The following BIN3 variants were observed in gnomAD, a reference collection of about 807,000 sequenced individuals.
BIN3 encodes bridging integrator 3.
A neutral mutation model predicts 38.2 loss-of-function variants in BIN3; 41 were observed. That is an observed-to-expected ratio of 1.07 (90% confidence interval 0.84 to 1.39). The LOEUF (loss-of-function observed/expected upper bound fraction) is 1.39. Ranked by LOEUF, BIN3 falls within the 40% of genes most tolerant of loss-of-function variation. BIN3 has a pLI of 0.00. For missense variants in BIN3, 361 were observed against 324.3 expected, an observed-to-expected ratio of 1.11 and a Z score of -0.87; for synonymous variants, 145 against 122.6, an observed-to-expected ratio of 1.18 and a Z score of -1.21.
chr8:22,656,780 T>C (rs570458005), intron 1 of BIN3, among the ~76,000 whole-genome samples: 1 of 152,256 alleles, frequency 6.6e-6, no homozygotes, highest in African/African-American at 2.4e-5. Flanking sequence ...CCTTTCACCA[T>C]GCATTTAGAT....
intron 1 of BIN3, among the ~76,000 whole-genome samples, chr8:22,658,031 G>C (rs1375521099): frequency 1.3e-5 from 2 of 152,238 alleles, no homozygotes; most frequent in Non-Finnish European, 2.9e-5. Flanking sequence ...AGGGGCGTGG[G>C]CAGAGAGCCA....
At chr8:22,657,895 A>G (rs1803106026) in intron 1 of BIN3, among the ~76,000 whole-genome samples, 2 of 152,240 alleles carry the variant, frequency 1.3e-5, no homozygotes, top group Non-Finnish European at 2.9e-5. Context: ...GCCTGAGAGC[A>G]GCAGCCTTGG....
Position 22,634,482 on chromosome 8 carries a change from G to C in BIN3, c.160+2043C>G, listed in dbSNP as rs1475512240. The C allele has an allele frequency of 4.8e-5, 22 of 456,170 alleles. 1 individual carries two copies. The Admixed American group carries it at 5.2e-4, about 11-fold the overall frequency. The allele number at this position is 456,170 out of a possible 1,614,324, so 28.3% of individuals were successfully genotyped here. A position where few individuals can be genotyped will look rare whatever the true frequency, so the allele number is the denominator to read the frequency against. ...TTCCTTTTGTGATCAGTGCTTTGTA[G>C]GAAAGGTGTGTTTACACATCAGTAA... On this transcript the variant is annotated intron_variant, in intron 4 of 8. Coordinates refer to ENST00000276416, the MANE Select transcript of BIN3 (RefSeq NM_018688.6).
chr8:22,634,690 C>T (rs550688858), intron 4 of BIN3, among the ~76,000 whole-genome samples: 39 of 152,278 alleles, frequency 2.6e-4, no homozygotes, highest in Admixed American at 1.7e-3. Context: ...ACAGTGAGGC[C>T]GCCCCATTTG....
intron 1 of BIN3, among the ~76,000 whole-genome samples, chr8:22,652,768 C>T: frequency 6.6e-6 from 1 of 152,168 alleles, no homozygotes; most frequent in East Asian, 1.9e-4. Context: ...ATAAATGACA[C>T]AAACATCAGG....
chr8:22,636,884 C>T (rs1277155481), intron 3 of BIN3, 38 bp downstream of exon 3: 17 of 1,603,064 alleles, frequency 1.1e-5, no homozygotes, highest in Non-Finnish European at 1.5e-5. Context: ...CTTGTCCCTC[C>T]CTGCCTCCCA....
chr8:22,629,818 C>T, intron 6 of BIN3, 146 bp downstream of exon 6: 3 of 798,568 alleles, frequency 3.8e-6, no homozygotes, highest in Non-Finnish European at 6.2e-6. Context: ...GGCCACAGGT[C>T]ACAGAGCTGA....
At chr8:22,627,907 C>T (rs535172323) in intron 6 of BIN3, among the ~76,000 whole-genome samples, 1 of 152,366 alleles carries the variant, frequency 6.6e-6, no homozygotes, top group East Asian at 1.9e-4. Context: ...ACTGTAAGCT[C>T]CTGAAGTCTG....
chr8:22,634,478 T>C (rs1213883638), intron 4 of BIN3: 1 of 456,286 alleles, frequency 2.2e-6, no homozygotes, highest in Non-Finnish European at 4.4e-6. Context: ...ATCAGTGCTT[T>C]GTAGGAAAGG....
intron 2 of BIN3, among the ~76,000 whole-genome samples, chr8:22,641,296 G>A (rs768541561): frequency 1.4e-4 from 22 of 152,160 alleles, no homozygotes; most frequent in Non-Finnish European, 2.9e-4. Flanking sequence ...ACGACTACCC[G>A]TGGCCACCCC....
rs549610077 is a variant in BIN3 at position 22,628,189 on chromosome 8, A to T, written c.338+1775T>A. Among the ~76,000 whole-genome samples the T allele has an allele frequency of 2.0e-5, 3 of 152,328 alleles. No individual in the cohort carries two copies. The South Asian group carries it at 6.2e-4, about 32-fold the overall frequency. ...GAGCTTCCACCCACCAGGAAAGGGAAATTGAAAGCATCCCCATCCGACATG... is the reference window on the plus strand; with the variant it reads ...GAGCTTCCACCCACCAGGAAAGGGATATTGAAAGCATCCCCATCCGACATG... On this transcript the variant is annotated intron_variant, in intron 6 of 8. Coordinates refer to ENST00000276416, the MANE Select transcript of BIN3 (RefSeq NM_018688.6).
At chr8:22,631,610 C>G (rs1802205432) in intron 4 of BIN3, among the ~76,000 whole-genome samples, 1 of 152,240 alleles carries the variant, frequency 6.6e-6, no homozygotes, top group African/African-American at 2.4e-5. Flanking sequence ...CCCTGGGCAG[C>G]TGCTTCCCTG....
chr8:22,668,908 C>G, intron 1 of BIN3, 136 bp downstream of exon 1: 1 of 1,145,984 alleles, frequency 8.7e-7, no homozygotes, highest in South Asian at 1.5e-5. Context: ...GACCCTAGGG[C>G]AGGGGCTGTC....
In BIN3 at chr8:22,629,661, G is replaced by C. The variant is rs147657038; in HGVS notation, c.338+303C>G. On this transcript the variant is annotated intron_variant, in intron 6 of 8. Transcript: ENST00000276416. The stretch of plus-strand genomic sequence containing the variant: ...CTCCATTCAGCAAGCCCTGGCCCCA[G>C]TGGCTCTCAATCAGGAGGAAGCGGT... 544 of 501,816 alleles carry C rather than the reference G, an allele frequency of 1.1e-3. 3 individuals carry two copies. The highest frequency in any genetic ancestry group is 9.7e-3 in the African/African-American group (511 of 52,444). 31.1% of individuals were successfully genotyped at this position (501,816 alleles called of 1,614,324 possible).
intron 1 of BIN3, among the ~76,000 whole-genome samples, chr8:22,667,574 G>A (rs1445373875): frequency 1.3e-5 from 2 of 152,208 alleles, no homozygotes; most frequent in Non-Finnish European, 2.9e-5. Context: ...GACACTGAAA[G>A]GACGTAATTC....
chr8:22,645,593 GGGAAGACACCC>G lies in BIN3; in HGVS notation c.9-801_9-791del, dbSNP rs1347935390. On this transcript the variant is annotated intron_variant, in intron 1 of 8. Transcript: ENST00000276416. ...GAGGAAAGGCGAGGATGGCAGGAAAGGGAAGACACCCGCGAGGATGGCAGGAAAGGGAAGAC... is the reference window on the plus strand; with the variant it reads ...GAGGAAAGGCGAGGATGGCAGGAAAGGCGAGGATGGCAGGAAAGGGAAGAC... Among the ~76,000 whole-genome samples, 491 of 134,920 alleles carry G rather than the reference GGGAAGACACCC, an allele frequency of 3.6e-3. 1 individual carries two copies. The highest frequency in any genetic ancestry group is 0.016 in the African/African-American group (420 of 26,086). 88.5% of individuals were successfully genotyped at this position (134,920 alleles called of 152,430 possible). A position where few individuals can be genotyped will look rare whatever the true frequency, so the allele number is the denominator to read the frequency against.
chr8:22,635,371 C>T (rs1262175446), intron 4 of BIN3, among the ~76,000 whole-genome samples: 4 of 152,122 alleles, frequency 2.6e-5, no homozygotes, highest in Non-Finnish European at 5.9e-5. Context: ...GCCTGGTGCA[C>T]GTGGGTTCTC....
chr8:22,664,382 A>G (rs746727883), intron 1 of BIN3, among the ~76,000 whole-genome samples: 17 of 152,224 alleles, frequency 1.1e-4, no homozygotes, highest in Non-Finnish European at 2.2e-4. Flanking sequence ...AGGCATTACT[A>G]TGCTCTCCAC....
At chr8:22,644,608 G>A in intron 2 of BIN3, 147 bp downstream of exon 2, 1 of 733,116 alleles carries the variant, frequency 1.4e-6, no homozygotes, top group Non-Finnish European at 2.4e-6. Context: ...CTCAGTCTAT[G>A]TGAGGTTCTA....
Sources: allele counts gnomAD v4.1 joint callset (sites outside exome capture counted in the v4.1 genomes callset), GRCh38; gene constraint gnomAD v4.1.1; transcripts MANE v1.5; gene names NCBI Gene and HGNC (gene_info 2026-07-23, HGNC 2026-07-21).